The following ANKMY1 variants were observed in gnomAD, a reference collection of about 807,000 sequenced individuals.
ANKMY1 encodes ankyrin repeat and MYND domain containing 1.
Under a neutral mutation model 102.0 loss-of-function variants are expected in ANKMY1, and 98 were observed. The ratio of observed to expected loss-of-function variants is 0.96; its 90% CI spans 0.82 to 1.14. ANKMY1 has a LOEUF of 1.14. Among genes scored for constraint, ANKMY1 ranks in the 50% most tolerant of loss-of-function variants. ANKMY1 has a pLI of 0.00. For missense variants in ANKMY1, 1,330 were observed against 1,347.6 expected (o/e 0.99, Z 0.20); for synonymous variants, 582 against 559.9 (o/e 1.04, Z -0.56).
chr2:240,484,457 A>G (rs2075808196), intron 15 of ANKMY1, among the ~76,000 whole-genome samples: 4 of 152,340 alleles, frequency 2.6e-5, no homozygotes, highest in Admixed American at 2.6e-4. Context: ...GGGGGAAATG[A>G]TTCCCTATTT....
chr2:240,509,400 A>G lies in ANKMY1; in HGVS notation c.2342T>C (p.Leu781Pro), dbSNP rs765446831. 8.1e-6 allele frequency: 13 copies of G among 1,613,714 alleles called. No homozygotes were observed. Among genetic ancestry groups the G allele is most frequent in the Admixed American group, 1.7e-5 (1 of 59,980 alleles). ...LLSHGANPNL[L>P]WSGHSPLSLS... is the part of the protein sequence containing the mutation. ...GGAGAGCGGGGAGTGGCCACTCCAC[A>G]GCAGGTTAGGATTTGCTCCGTGGGA... The change falls in exon 12 of 18, where the codon CTG becomes CCG. Residue 781 changes from leucine to proline, a missense_variant. Transcript: ENST00000401804.
intron 4 of ANKMY1, 106 bp downstream of exon 4, chr2:240,552,808 G>C: frequency 6.5e-7 from 1 of 1,548,690 alleles, no homozygotes. Context: ...AAAGCTACTT[G>C]TAGCTAAACA....
At chr2:240,515,058 G>T (rs757624153) in intron 9 of ANKMY1, among the ~76,000 whole-genome samples, 12 of 152,194 alleles carry the variant, frequency 7.9e-5, no homozygotes, top group Non-Finnish European at 1.6e-4. Flanking sequence ...ATCCCTCTAG[G>T]CCCAGAGACT....
intron 10 of ANKMY1, among the ~76,000 whole-genome samples, chr2:240,512,432 G>T (rs947107672): frequency 7.2e-5 from 11 of 152,220 alleles, no homozygotes; most frequent in African/African-American, 2.7e-4. Flanking sequence ...GGGACAGGAT[G>T]GCTTCGGCCT....
intron 4 of ANKMY1, among the ~76,000 whole-genome samples, chr2:240,533,826 T>C (rs2086075694): frequency 6.6e-6 from 1 of 151,460 alleles, no homozygotes; most frequent in Non-Finnish European, 1.5e-5. Context: ...ATCTAAAACA[T>C]AATGAAACAG....
upstream of ANKMY1, among the ~76,000 whole-genome samples, chr2:240,559,519 CAG>C (rs1416126194): frequency 6.6e-6 from 1 of 152,184 alleles, no homozygotes; most frequent in Admixed American, 6.5e-5. Context: ...CACTTTTGGC[CAG>C]AGACAGAGCC....
At chr2:240,495,924 G>T in intron 15 of ANKMY1, among the ~76,000 whole-genome samples, 1 of 152,238 alleles carries the variant, frequency 6.6e-6, no homozygotes, top group Non-Finnish European at 1.5e-5. Flanking sequence ...GGTGTTCCCT[G>T]TCACTTCTCT....
At chr2:240,557,713 G>A (rs960718611) in intron 1 of ANKMY1, among the ~76,000 whole-genome samples, 168 bp downstream of exon 1, 3 of 152,130 alleles carry the variant, frequency 2.0e-5, no homozygotes, top group Non-Finnish European at 4.4e-5. Flanking sequence ...GCCAGCGCTC[G>A]AGGGTGGGCT....
intron 8 of ANKMY1, among the ~76,000 whole-genome samples, chr2:240,521,460 G>A (rs1459731270): frequency 7.2e-6 from 1 of 138,856 alleles, no homozygotes; most frequent in East Asian, 2.4e-4. Context: ...CTGACTTCAA[G>A]AATGAAGTCG....
At chr2:240,482,325 C>A in intron 15 of ANKMY1, 64 bp from the exon 16 acceptor site, 1 of 1,475,636 alleles carries the variant, frequency 6.8e-7, no homozygotes, top group Non-Finnish European at 9.3e-7. Flanking sequence ...ACTGCAGAAG[C>A]CACCTCCTTG....
chr2:240,560,582 C>T, upstream of ANKMY1: 1 of 1,317,336 alleles, frequency 7.6e-7, no homozygotes, highest in Non-Finnish European at 9.7e-7. Flanking sequence ...GACCCGGGGG[C>T]GCCCGGCGGC....
intron 4 of ANKMY1, among the ~76,000 whole-genome samples, chr2:240,547,351 G>A (rs1266195664): frequency 1.3e-5 from 2 of 151,756 alleles, no homozygotes; most frequent in African/African-American, 4.8e-5. Flanking sequence ...TCTCTGGGAC[G>A]CATTCAAAGC....
chr2:240,479,442 G>A lies in ANKMY1; in HGVS notation c.*167C>T. ...GCACAGACTGTCAAAATCACCCCGT[G>A]GGGCCAATTTATTGCGAGGTCGCAA... On this transcript the variant is annotated 3_prime_UTR_variant, in exon 18 of 18. Transcript: ENST00000401804. The A allele has an allele frequency of 1.2e-6, 1 of 820,406 alleles. No homozygotes were observed. The highest frequency in any genetic ancestry group is 1.6e-5 in the South Asian group (1 of 62,706). The allele number at this position is 820,406 out of a possible 1,614,324, so 50.8% of individuals were successfully genotyped here.
chr2:240,537,157 A>G (rs369461906), intron 4 of ANKMY1, among the ~76,000 whole-genome samples: 13 of 152,362 alleles, frequency 8.5e-5, no homozygotes, highest in East Asian at 3.9e-4. Context: ...CAGAGAGACC[A>G]GCAAGAGACT....
rs138287072 is a variant in ANKMY1 at position 240,524,400 on chromosome 2, A to C, written c.1336-19T>G. 1.5e-3 allele frequency: 2,336 copies of C among 1,577,606 alleles called. 31 individuals carry two copies. The African/African-American group carries it at 0.028, about 19-fold the overall frequency. ...GAGGTTCCTTTGGAAAGAACCAAAAAAGTGTCATTAGAATAAATTGGAGTG... is the reference window on the plus strand; with the variant it reads ...GAGGTTCCTTTGGAAAGAACCAAAACAGTGTCATTAGAATAAATTGGAGTG... On this transcript the variant is annotated intron_variant, in intron 7 of 17. Coordinates refer to ENST00000401804, the MANE Select transcript of ANKMY1 (RefSeq NM_001282771.3).
chr2:240,528,293 A>ACCCCCCCCC (rs562534743), intron 5 of ANKMY1, among the ~76,000 whole-genome samples: 1 of 78,980 alleles, frequency 1.3e-5, no homozygotes. Context: ...GCCTGCCCCC[A>ACCCCCCCCC]CCCCCCCCCC....
intron 4 of ANKMY1, among the ~76,000 whole-genome samples, chr2:240,545,211 C>T (rs1354295391): frequency 1.3e-5 from 2 of 152,214 alleles, no homozygotes; most frequent in Non-Finnish European, 2.9e-5. Context: ...TCTGACCCCC[C>T]GAGCAGCCTA....
intron 17 of ANKMY1, 67 bp downstream of exon 17, chr2:240,480,870 C>G: frequency 6.4e-7 from 1 of 1,556,840 alleles, no homozygotes; most frequent in Non-Finnish European, 8.7e-7. Flanking sequence ...TCACCAGCAC[C>G]CCAGGCCTGC....
chr2:240,482,336 C>T (rs1404808023), intron 15 of ANKMY1, 75 bp from the exon 16 acceptor site: 19 of 1,380,052 alleles, frequency 1.4e-5, no homozygotes, highest in Non-Finnish European at 1.8e-5. Context: ...CACCTCCTTG[C>T]GCCCTCCCTG....
Sources: gnomAD v4.1 joint callset for allele counts (sites outside exome capture counted in the v4.1 genomes callset) on GRCh38, gnomAD v4.1.1 for gene constraint, MANE v1.5 for transcripts, NCBI Gene and HGNC (gene_info 2026-07-23, HGNC 2026-07-21) for gene names.